Variants in HDDC2 observed in about 807,000 individuals in gnomAD.
HDDC2 encodes 5'-deoxynucleotidase HDDC2.
HDDC2 carries 25 observed loss-of-function variants against 25.5 expected under a neutral mutation model. The ratio of observed to expected loss-of-function variants is 0.98; its 90% confidence interval spans 0.72 to 1.37. HDDC2 has a LOEUF of 1.37. Among genes scored for constraint, HDDC2 ranks in the 40% most tolerant of loss-of-function variants. The pLI is 0.00. For missense variants in HDDC2, 264 were observed against 253.1 expected (o/e 1.04, Z -0.29); for synonymous variants, 106 against 89.7 (o/e 1.18, Z -1.03).
intron 4 of HDDC2, among the ~76,000 whole-genome samples, 186 bp downstream of exon 4, chr6:125,292,655 G>A (rs1269723610): frequency 6.6e-6 from 1 of 152,152 alleles, no homozygotes; most frequent in African/African-American, 2.4e-5. Context: ...GGGGAACTTG[G>A]AGAGATACAA....
intron 3 of HDDC2, among the ~76,000 whole-genome samples, chr6:125,295,130 T>C (rs1263257051): frequency 1.3e-5 from 2 of 152,326 alleles, no homozygotes; most frequent in South Asian, 2.1e-4. Flanking sequence ...CAGCTGAGTA[T>C]GCCAGCCTTT....
intron 4 of HDDC2, among the ~76,000 whole-genome samples, chr6:125,282,488 C>G (rs759040408): frequency 5.9e-5 from 9 of 152,184 alleles, no homozygotes; most frequent in Non-Finnish European, 1.3e-4. Flanking sequence ...CACCACCAGG[C>G]CTGCCTTACA....
chr6:125,282,322 G>C (rs527766052), intron 4 of HDDC2, among the ~76,000 whole-genome samples: 2 of 150,332 alleles, frequency 1.3e-5, no homozygotes, highest in Admixed American at 1.3e-4. Flanking sequence ...CTCCAGCCCA[G>C]GCCAATAACA....
At chr6:125,298,453 CAT>C (rs1425621536) in intron 3 of HDDC2, among the ~76,000 whole-genome samples, 4 of 152,334 alleles carry the variant, frequency 2.6e-5, no homozygotes, top group South Asian at 2.1e-4. Flanking sequence ...CCTTCCTTCA[CAT>C]GTTTACCAAT....
intron 3 of HDDC2, among the ~76,000 whole-genome samples, chr6:125,296,197 G>A (rs148979029): frequency 6.6e-6 from 1 of 152,196 alleles, no homozygotes; most frequent in African/African-American, 2.4e-5. Flanking sequence ...ATTATATTAG[G>A]TATCATAAGT....
At chr6:125,279,219 A>G (rs1053926351) in intron 4 of HDDC2, 1 of 152,228 alleles carries the variant, frequency 6.6e-6, no homozygotes, top group Non-Finnish European at 1.5e-5. Context: ...GCCCACTCCA[A>G]TAGTGGATGA....
At chr6:125,283,293 A>T (rs1217526142) in intron 4 of HDDC2, among the ~76,000 whole-genome samples, 1 of 152,208 alleles carries the variant, frequency 6.6e-6, no homozygotes, top group Non-Finnish European at 1.5e-5. Flanking sequence ...CCTATTCAAC[A>T]TGTTATTGGA....
chr6:125,292,717 G>T, intron 4 of HDDC2, 124 bp downstream of exon 4: 1 of 763,564 alleles, frequency 1.3e-6, no homozygotes, highest in Non-Finnish European at 2.3e-6. Flanking sequence ...GTGAGAAACA[G>T]ACACAAACCA....
chr6:125,287,067 A>G (rs1798548817), intron 4 of HDDC2, among the ~76,000 whole-genome samples: 1 of 152,194 alleles, frequency 6.6e-6, no homozygotes, highest in East Asian at 1.9e-4. Flanking sequence ...GAACAGAGGA[A>G]CGTGACCTGC....
chr6:125,289,131 C>A (rs1158501332), intron 4 of HDDC2, among the ~76,000 whole-genome samples: 6 of 129,404 alleles, frequency 4.6e-5, no homozygotes. Context: ...CACATATACA[C>A]CATGGAATAC....
chr6:125,279,700 A>G (rs1798428710), intron 4 of HDDC2, among the ~76,000 whole-genome samples: 1 of 152,216 alleles, frequency 6.6e-6, no homozygotes, highest in South Asian at 2.1e-4. Context: ...AATTTGAACT[A>G]AATTTCCTTT....
intron 4 of HDDC2, among the ~76,000 whole-genome samples, chr6:125,287,783 C>A (rs1798563133): frequency 6.8e-6 from 1 of 146,468 alleles, no homozygotes; most frequent in African/African-American, 2.8e-5. Context: ...AAAGAAACAG[C>A]CAGAAAGGCT....
chr6:125,292,485 G>A (rs955031430), intron 4 of HDDC2, among the ~76,000 whole-genome samples: 3 of 152,236 alleles, frequency 2.0e-5, no homozygotes, highest in Middle Eastern at 6.8e-3. Context: ...AACGTGCCGA[G>A]GTCACAGAAC....
rs138323019 is a variant in HDDC2 at position 125,279,789 on chromosome 6, TAAGATA to T, written c.379-2555_379-2550del. On this transcript the variant is annotated intron_variant, in intron 4 of 5. Coordinates refer to ENST00000398153, the MANE Select transcript of HDDC2 (RefSeq NM_016063.3). ...GGTCAGATCCTATACAGCTATCCCA[TAAGATA>T]AAAAGAATAAGAAGCAAAATAACAT... Among the ~76,000 whole-genome samples, 440 of 152,098 alleles carry T rather than the reference TAAGATA, an allele frequency of 2.9e-3. 2 individuals are homozygous for T. Among genetic ancestry groups the T allele is most frequent in the African/African-American group, 0.01 (420 of 41,486 alleles).
At chr6:125,276,630 T>C in intron 5 of HDDC2, 1 of 250,990 alleles carries the variant, frequency 4.0e-6, no homozygotes, top group Non-Finnish European at 7.6e-6. Flanking sequence ...ATGAAGCACC[T>C]ATATATGAAA....
Position 125,276,097 on chromosome 6 carries a change from A to C in HDDC2, c.*49T>G, listed in dbSNP as rs763087511. ...ACAATGGCAAAACACAATACAATGA[A>C]ATGGAAAAATAATGTTTGTTACAGG... On this transcript the variant is annotated 3_prime_UTR_variant, in exon 6 of 6. Transcript: ENST00000398153. The C allele has an allele frequency of 3.8e-6, 5 of 1,313,308 alleles. No homozygotes were observed. Among genetic ancestry groups the C allele is most frequent in the Middle Eastern group, 1.8e-4 (1 of 5,516 alleles). 81.4% of individuals were successfully genotyped at this position (1,313,308 alleles called of 1,614,324 possible).
At chr6:125,280,341 A>AG (rs1798439113) in intron 4 of HDDC2, among the ~76,000 whole-genome samples, 7 of 151,642 alleles carry the variant, frequency 4.6e-5, no homozygotes, top group Non-Finnish European at 8.8e-5. Flanking sequence ...AGCTAGCTAC[A>AG]ATTTTTTTTT....
intron 3 of HDDC2, 75 bp downstream of exon 3, chr6:125,298,639 G>T: frequency 2.9e-6 from 3 of 1,019,702 alleles, no homozygotes; most frequent in Non-Finnish European, 4.7e-6. Context: ...ACTGTAACAG[G>T]TCTCATAAAC....
intron 3 of HDDC2, among the ~76,000 whole-genome samples, chr6:125,295,342 G>C (rs1287055504): frequency 6.6e-6 from 1 of 152,192 alleles, no homozygotes; most frequent in African/African-American, 2.4e-5. Flanking sequence ...TAACTGGAAG[G>C]TATTATTCAT....
Sources: gnomAD v4.1 joint callset for allele counts (sites outside exome capture counted in the v4.1 genomes callset) on GRCh38, gnomAD v4.1.1 for gene constraint, MANE v1.5 for transcripts, NCBI Gene and HGNC (gene_info 2026-07-23, HGNC 2026-07-21) for gene names.